MACROD2: variants seen among roughly 807,000 people sequenced by gnomAD.
MACROD2 encodes ADP-ribose glycohydrolase MACROD2.
In MACROD2, 36 loss-of-function variants were observed where a neutral mutation model predicts 70.4. The ratio of observed to expected loss-of-function variants is 0.51; its 90% CI spans 0.39 to 0.68. MACROD2 has a LOEUF of 0.68. Ranked by LOEUF, MACROD2 falls within the 30% of genes least tolerant of loss-of-function variation. The probability of loss-of-function intolerance (pLI) is 0.00; values close to 1 mark genes in which losing one functional copy is unlikely to be tolerated. For synonymous variants in MACROD2, 172 were observed against 178.8 expected (o/e 0.96, Z 0.30); for missense variants, 496 against 538.4 (o/e 0.92, Z 0.78).
At chr20:15,595,445 C>T (rs565503727) in intron 8 of MACROD2, among the ~76,000 whole-genome samples, 2 of 152,154 alleles carry the variant, frequency 1.3e-5, no homozygotes, top group South Asian at 2.1e-4. Flanking sequence ...TAAAGAAAAA[C>T]TGAGAAAAAT....
At chr20:14,975,378 A>G (rs1157715819) in intron 5 of MACROD2, among the ~76,000 whole-genome samples, 1 of 152,044 alleles carries the variant, frequency 6.6e-6, no homozygotes, top group Non-Finnish European at 1.5e-5. Flanking sequence ...TGTGAAGTGG[A>G]GAGGCAGAAA....
chr20:14,813,339 C>T (rs2075850300), intron 5 of MACROD2, among the ~76,000 whole-genome samples: 1 of 148,960 alleles, frequency 6.7e-6, no homozygotes, highest in South Asian at 2.2e-4. Context: ...TGATGCTCTC[C>T]CCCTTCCTCT....
intron 5 of MACROD2, among the ~76,000 whole-genome samples, chr20:14,990,548 C>G (rs1292096836): frequency 7.1e-6 from 1 of 140,206 alleles, no homozygotes; most frequent in African/African-American, 2.7e-5. Context: ...GAGTCTCGCT[C>G]TGCCGCCCAG....
rs528194069 is a variant in MACROD2, at chr20:14,820,558, T to C, written c.418+135599T>C. Among the ~76,000 whole-genome samples the C allele has an allele frequency of 3.2e-3, 480 of 152,068 alleles. 3 individuals are homozygous for C. The highest frequency in any genetic ancestry group is 4.6e-3 in the Non-Finnish European group (313 of 67,960). ...CAATTTCATCACCAGTGTAATTAAG[T>C]GAGCTTCCCTACAATATCTTAACTT... On this transcript the variant is annotated intron_variant, in intron 5 of 17. Coordinates refer to ENST00000684519, the MANE Select transcript of MACROD2 (RefSeq NM_001351661.2).
At chr20:14,413,219 ATGT>A (rs2122871196) in intron 3 of MACROD2, among the ~76,000 whole-genome samples, 2 of 149,166 alleles carry the variant, frequency 1.3e-5, no homozygotes, top group South Asian at 4.2e-4. Context: ...CTCCTTAAAT[ATGT>A]ACGTGCGTGT....
intron 4 of MACROD2, among the ~76,000 whole-genome samples, chr20:14,654,319 G>C (rs1346779531): frequency 1.1e-4 from 16 of 151,814 alleles, no homozygotes; most frequent in Admixed American, 1.0e-3. Context: ...GGCTGAGGCG[G>C]ATGGATCACC....
intron 3 of MACROD2, among the ~76,000 whole-genome samples, chr20:14,446,299 G>A (rs1322639094): frequency 2.0e-5 from 3 of 151,982 alleles, no homozygotes; most frequent in African/African-American, 7.3e-5. Flanking sequence ...AAAACTGTGA[G>A]GTAGGTCTAC....
At chr20:14,055,117 AGTC>A (rs1204305268) in intron 2 of MACROD2, among the ~76,000 whole-genome samples, 1 of 152,176 alleles carries the variant, frequency 6.6e-6, no homozygotes, top group Non-Finnish European at 1.5e-5. Context: ...ATGTTACAGT[AGTC>A]TTTGTTTTGT....
chr20:14,357,390 C>G (rs1462981462), intron 3 of MACROD2, among the ~76,000 whole-genome samples: 1 of 152,050 alleles, frequency 6.6e-6, no homozygotes, highest in Non-Finnish European at 1.5e-5. Context: ...AAACTTATTA[C>G]TATAATGAAA....
intron 10 of MACROD2, among the ~76,000 whole-genome samples, chr20:15,911,393 T>G (rs1035229529): frequency 1.3e-5 from 2 of 152,238 alleles, no homozygotes; most frequent in Admixed American, 6.5e-5. Context: ...CAATAAGAGT[T>G]AGGAGGACAT....
At chr20:14,611,532 T>C (rs1470804152) in intron 4 of MACROD2, among the ~76,000 whole-genome samples, 1 of 143,306 alleles carries the variant, frequency 7.0e-6, no homozygotes, top group Non-Finnish European at 1.5e-5. Context: ...CTAAAATACA[T>C]AATTCAAAAC....
At chr20:15,000,499 T>G (rs2122895563) in intron 5 of MACROD2, among the ~76,000 whole-genome samples, 1 of 143,920 alleles carries the variant, frequency 6.9e-6, no homozygotes, top group East Asian at 2.0e-4. Context: ...GGCGGGCGCC[T>G]GTAGTCCCAG....
intron 3 of MACROD2, among the ~76,000 whole-genome samples, chr20:14,250,996 CTG>C (rs2082007939): frequency 6.6e-6 from 1 of 151,878 alleles, no homozygotes; most frequent in Admixed American, 6.6e-5. Context: ...TATTACCTAA[CTG>C]GAAAATAATA....
intron 5 of MACROD2, among the ~76,000 whole-genome samples, chr20:14,785,729 G>GA (rs2072361655): frequency 1.3e-5 from 2 of 152,048 alleles, no homozygotes; most frequent in African/African-American, 4.8e-5. Flanking sequence ...TCTCACCTGA[G>GA]AAGGAGGCAG....
At chr20:15,180,758 T>C (rs1002249304) in intron 5 of MACROD2, among the ~76,000 whole-genome samples, 1 of 152,218 alleles carries the variant, frequency 6.6e-6, no homozygotes, top group Admixed American at 6.5e-5. Context: ...CCCAAAGTTC[T>C]GGGATTACAG....
intron 5 of MACROD2, among the ~76,000 whole-genome samples, chr20:15,184,432 A>G (rs536656447): frequency 6.6e-6 from 1 of 152,320 alleles, no homozygotes; most frequent in African/African-American, 2.4e-5. Flanking sequence ...CAACCCCAGC[A>G]TCTCAGTGAC....
At chr20:14,728,212 C>T (rs1450419237) in intron 5 of MACROD2, among the ~76,000 whole-genome samples, 1 of 151,974 alleles carries the variant, frequency 6.6e-6, no homozygotes, top group Admixed American at 6.6e-5. Flanking sequence ...ATGGCACATC[C>T]CTGTAATACT....
chr20:15,498,710 T>G (rs929982485), intron 7 of MACROD2, among the ~76,000 whole-genome samples: 3 of 152,170 alleles, frequency 2.0e-5, no homozygotes, highest in South Asian at 2.1e-4. Flanking sequence ...ATTTTTGTTT[T>G]GGGATGATAA....
At chr20:16,034,285 C>T (rs977350175) in intron 15 of MACROD2, among the ~76,000 whole-genome samples, 54 of 151,982 alleles carry the variant, frequency 3.6e-4, no homozygotes, top group African/African-American at 1.3e-3. Context: ...TATAGTGTAC[C>T]GTGGACTCAG....
Sources: gnomAD v4.1 joint callset for allele counts (sites outside exome capture counted in the v4.1 genomes callset) on GRCh38, gnomAD v4.1.1 for gene constraint, MANE v1.5 for transcripts, NCBI Gene and HGNC (gene_info 2026-07-23, HGNC 2026-07-21) for gene names.